Variants in TENM3 observed in about 807,000 individuals in gnomAD.
TENM3 encodes teneurin-3.
Under a neutral mutation model 255.1 loss-of-function variants are expected in TENM3, and 63 were observed. The observed-to-expected ratio is 0.25, with a 90% CI of 0.20 to 0.30. The LOEUF (loss-of-function observed/expected upper bound fraction) is 0.30, where lower values mean the gene tolerates loss of function less well. Among genes scored for constraint, TENM3 ranks in the 10% least tolerant of loss-of-function variants. The probability of loss-of-function intolerance (pLI) is 1.00; values close to 1 mark genes in which losing one functional copy is unlikely to be tolerated. For synonymous variants in TENM3, 1,306 were observed against 1,322.3 expected (o/e 0.99, Z 0.27); for missense variants, 2,929 against 3,461.1 (o/e 0.85, Z 3.86).
intron 3 of TENM3, among the ~76,000 whole-genome samples, chr4:182,568,232 A>G (rs1208053555): frequency 6.6e-6 from 1 of 152,220 alleles, no homozygotes; most frequent in Non-Finnish European, 1.5e-5. Context: ...GCATTCTGCA[A>G]CTAGTCACCT....
intron 1 of TENM3, among the ~76,000 whole-genome samples, chr4:182,264,414 C>T (rs1399802999): frequency 6.6e-6 from 1 of 152,220 alleles, no homozygotes; most frequent in Admixed American, 6.5e-5. Context: ...GGTACTTTCT[C>T]TTGGTCTCTG....
At chr4:181,618,912 T>C in the TENM3 span, among the ~76,000 whole-genome samples, 1 of 152,334 alleles carries the variant, frequency 6.6e-6, no homozygotes, top group African/African-American at 2.4e-5. Context: ...ACAAGACTGC[T>C]TGCTGTGATG....
intron 1 of TENM3, among the ~76,000 whole-genome samples, chr4:182,161,943 A>ATT (rs1751363604): frequency 1.6e-5 from 1 of 61,928 alleles, no homozygotes; most frequent in African/African-American, 7.8e-5. Context: ...ACATATATAT[A>ATT]TTTGTGTGTG....
chr4:182,559,089 T>G (rs575316467), intron 3 of TENM3, among the ~76,000 whole-genome samples: 2 of 151,948 alleles, frequency 1.3e-5, no homozygotes, highest in Non-Finnish European at 2.9e-5. Context: ...TTGCATTTTC[T>G]GTTTTCTTCT....
the TENM3 span, among the ~76,000 whole-genome samples, chr4:181,749,687 A>G: frequency 6.6e-6 from 1 of 152,138 alleles, no homozygotes; most frequent in African/African-American, 2.4e-5. Context: ...TTGGTGTGTT[A>G]ACAAGCTCAG....
At chr4:182,486,844 T>G (rs1734787347) in intron 3 of TENM3, among the ~76,000 whole-genome samples, 1 of 152,154 alleles carries the variant, frequency 6.6e-6, no homozygotes, top group African/African-American at 2.4e-5. Flanking sequence ...AAACTGAAAT[T>G]TCTAAAATGG....
the TENM3 span, among the ~76,000 whole-genome samples, chr4:181,796,458 C>T: frequency 1.3e-5 from 2 of 152,084 alleles, no homozygotes; most frequent in East Asian, 3.9e-4. Flanking sequence ...AGGATTCTGC[C>T]CTTGAAAGTG....
intron 12 of TENM3, among the ~76,000 whole-genome samples, chr4:182,696,366 A>C (rs1164523933): frequency 6.6e-6 from 1 of 152,208 alleles, no homozygotes. Context: ...AGAGGCAATC[A>C]AAGAGTAATT....
intron 3 of TENM3, among the ~76,000 whole-genome samples, chr4:182,469,224 G>A (rs1019482064): frequency 6.6e-6 from 1 of 152,134 alleles, no homozygotes; most frequent in African/African-American, 2.4e-5. Flanking sequence ...GAGATTTAAT[G>A]TCTCTGTTTT....
intron 3 of TENM3, among the ~76,000 whole-genome samples, chr4:182,455,292 C>G (rs1773775372): frequency 6.6e-6 from 1 of 152,162 alleles, no homozygotes; most frequent in Middle Eastern, 3.2e-3. Flanking sequence ...GGCCCAAATT[C>G]AAGCTCTCTT....
intron 1 of TENM3, among the ~76,000 whole-genome samples, chr4:182,162,736 A>G (rs1751439198): frequency 6.6e-6 from 1 of 152,216 alleles, no homozygotes; most frequent in Non-Finnish European, 1.5e-5. Context: ...TGCATCCTCC[A>G]GAGGAGACAA....
At chr4:181,454,683 T>TTTTTTTTTTTTTTTTACCATTTTTATAC in the TENM3 span, among the ~76,000 whole-genome samples, 11 of 150,404 alleles carry the variant, frequency 7.3e-5, no homozygotes, top group African/African-American at 2.5e-4. Flanking sequence ...ATTTTTATAC[T>TTTTTTTTTTTTTTTTACCATTTTTATAC]TTTTTTTTCT....
chr4:182,448,889 G>A (rs1352556091), intron 3 of TENM3: 4 of 242,702 alleles, frequency 1.6e-5, no homozygotes, highest in Non-Finnish European at 3.4e-5. Flanking sequence ...GCGGCCCGGC[G>A]CGAAGGGGTT....
chr4:182,449,336 T>G (rs1246023189), intron 3 of TENM3, among the ~76,000 whole-genome samples: 1 of 152,164 alleles, frequency 6.6e-6, no homozygotes, highest in African/African-American at 2.4e-5. Context: ...TTTTAACCCC[T>G]GAGGGACCAC....
chr4:181,742,159 AT>A, the TENM3 span, among the ~76,000 whole-genome samples: 2 of 151,910 alleles, frequency 1.3e-5, no homozygotes, highest in East Asian at 1.9e-4. Context: ...TATTTAAAAC[AT>A]TTTTTACCTT....
intron 3 of TENM3, among the ~76,000 whole-genome samples, chr4:182,553,654 A>G (rs939129120): frequency 2.0e-5 from 3 of 152,132 alleles, no homozygotes; most frequent in Non-Finnish European, 2.9e-5. Flanking sequence ...ATTGCTAGGG[A>G]CGATGTCTAC....
At chr4:181,902,138 C>T in the TENM3 span, among the ~76,000 whole-genome samples, 3 of 113,886 alleles carry the variant, frequency 2.6e-5, no homozygotes, top group African/African-American at 1.0e-4. Flanking sequence ...CACACACACA[C>T]ACTTATATAC....
chr4:182,414,517 G>A (rs769622523), intron 3 of TENM3, among the ~76,000 whole-genome samples: 43 of 152,238 alleles, frequency 2.8e-4, no homozygotes, highest in Non-Finnish European at 5.1e-4. Context: ...CATGATGTGT[G>A]TGCACGAGGA....
chr4:181,665,398 C>T, the TENM3 span, among the ~76,000 whole-genome samples: 1 of 152,146 alleles, frequency 6.6e-6, no homozygotes, highest in African/African-American at 2.4e-5. Context: ...GAGAAATATT[C>T]TGTGCCATCC....
Sources: gnomAD v4.1 joint callset for allele counts (sites outside exome capture counted in the v4.1 genomes callset) on GRCh38, gnomAD v4.1.1 for gene constraint, MANE v1.5 for transcripts, NCBI Gene and HGNC (gene_info 2026-07-23, HGNC 2026-07-21) for gene names.